EYA1: variants seen among roughly 807,000 people sequenced by gnomAD.
EYA1 encodes the protein EYA transcriptional coactivator and phosphatase 1.
Under a neutral mutation model 82.0 loss-of-function variants are expected in EYA1, and 16 were observed. The ratio of observed to expected loss-of-function variants is 0.20; its 90% CI spans 0.13 to 0.30. EYA1 has a LOEUF of 0.30. Ranked by LOEUF, EYA1 falls within the 10% of genes least tolerant of loss-of-function variation. The pLI is 1.00. For synonymous variants in EYA1, 261 were observed against 264.4 expected, an observed-to-expected ratio of 0.99 and a Z score of 0.12; for missense variants, 633 against 730.7, an observed-to-expected ratio of 0.87 and a Z score of 1.54.
chr8:71,525,350 T>C (rs1311444567), intron 2 of EYA1, among the ~76,000 whole-genome samples: 4 of 152,202 alleles, frequency 2.6e-5, no homozygotes, highest in Non-Finnish European at 4.4e-5. Flanking sequence ...GTGAGTCTAA[T>C]TTATGTCGTT....
Position 71,322,448 on chromosome 8 carries a change from A to G in EYA1, c.203-180T>C, listed in dbSNP as rs1049192104. 1.4e-5 allele frequency: 9 copies of G among 633,326 alleles called. No individual in the cohort carries two copies. The African/African-American group carries it at 1.5e-4, about 10-fold the overall frequency. 39.2% of individuals were successfully genotyped at this position (633,326 alleles called of 1,614,324 possible). A position where few individuals can be genotyped will look rare whatever the true frequency, so the allele number is the denominator to read the frequency against. ...TCCACCTAACAGAAAGTTAAACTAT[A>G]AAGAGGAATGAATAGAAACTGATTA... On this transcript the variant is annotated intron_variant, in intron 4 of 17. Coordinates refer to ENST00000340726, the MANE Select transcript of EYA1 (RefSeq NM_000503.6).
In EYA1 at chr8:71,495,374, G is replaced by A. The variant is rs1464590310; in HGVS notation, c.33+40370C>T. The stretch of plus-strand genomic sequence containing the variant: ...CACGCCTGTAATCCCAGCACTGTGG[G>A]AGGCTGAGGCAAGTGGATCACTTGA... On this transcript the variant is annotated intron_variant, in intron 2 of 18. Transcript: ENST00000643681. 3.9e-5 allele frequency among the ~76,000 whole-genome samples: 6 copies of A among 152,174 alleles called. No homozygotes were observed. In the East Asian group the frequency reaches 1.2e-3, roughly 29 times the overall value.
At position 71,385,480 on chromosome 8, in the gene EYA1, A is replaced by G. The variant is rs73684793; in HGVS notation, c.34-28969T>C. Reference sequence around the variant, plus strand: ...ATACAGTGCATTTTTATCTGTTACAACTATCTAAACTGTCTATTGACTATA... The same window carrying G: ...ATACAGTGCATTTTTATCTGTTACAGCTATCTAAACTGTCTATTGACTATA... On this transcript the variant is annotated intron_variant, in intron 2 of 18. Coordinates refer to the EYA1 transcript ENST00000643681. Among the ~76,000 whole-genome samples the G allele has an allele frequency of 6.4e-3, 980 of 152,278 alleles. 13 individuals are homozygous for G. The highest frequency in any genetic ancestry group is 0.022 in the African/African-American group (930 of 41,566).
rs1830593750 is a variant in EYA1 at position 71,411,619 on chromosome 8, C to G, written c.34-55108G>C. Among the ~76,000 whole-genome samples the G allele has an allele frequency of 2.0e-5, 3 of 151,756 alleles. No homozygotes were observed. In the South Asian group the frequency reaches 6.3e-4, roughly 32 times the overall value. On this transcript the variant is annotated intron_variant, in intron 2 of 18. Coordinates refer to the EYA1 transcript ENST00000643681. Reference sequence around the variant, plus strand: ...AGAAGACATTTATGCAGCCAAAATACATGAAAAAATGCTCATCATCACTGG... The same window carrying G: ...AGAAGACATTTATGCAGCCAAAATAGATGAAAAAATGCTCATCATCACTGG...
Position 71,400,975 on chromosome 8 carries a change from T to G in EYA1, c.34-44464A>C, listed in dbSNP as rs548259139. Among the ~76,000 whole-genome samples, 13 of 152,322 alleles carry G rather than the reference T, an allele frequency of 8.5e-5. No individual in the cohort carries two copies. In the East Asian group the frequency reaches 2.5e-3, roughly 29 times the overall value. On this transcript the variant is annotated intron_variant, in intron 2 of 18. Transcript: ENST00000643681. The stretch of plus-strand genomic sequence containing the variant: ...GCAGCCATAAAAAGGAATGAGATCA[T>G]GCCCTTTTCAGGGACATGGATGGAG...
At chr8:71,258,505 C>A in intron 11 of EYA1, among the ~76,000 whole-genome samples, 1 of 152,204 alleles carries the variant, frequency 6.6e-6, no homozygotes, top group East Asian at 1.9e-4. Flanking sequence ...CCTGATACTT[C>A]TATGGTGGAG....
intron 9 of EYA1, among the ~76,000 whole-genome samples, chr8:71,297,964 G>C (rs567004523): frequency 5.9e-5 from 9 of 151,988 alleles, no homozygotes; most frequent in African/African-American, 1.7e-4. Context: ...TGAAAGACAA[G>C]AATGATGAAA....
At chr8:71,432,846 G>A (rs1358828601) in intron 2 of EYA1, among the ~76,000 whole-genome samples, 2 of 152,102 alleles carry the variant, frequency 1.3e-5, no homozygotes, top group African/African-American at 4.8e-5. Flanking sequence ...ACTAAACAAA[G>A]ACCAAAAGAA....
chr8:71,543,296 G>C (rs764968020), intron 1 of EYA1, among the ~76,000 whole-genome samples: 130 of 152,196 alleles, frequency 8.5e-4, no homozygotes, highest in Non-Finnish European at 1.4e-3. Context: ...TGGAGCAGAG[G>C]TTGGGGGGTG....
chr8:71,255,437 G>A (rs7015205), intron 11 of EYA1, among the ~76,000 whole-genome samples: 20,867 of 152,098 alleles, frequency 0.14, 1,609 homozygotes, highest in African/African-American at 0.21. Context: ...CCAGAAATAA[G>A]CCCTCACATG....
intron 2 of EYA1, among the ~76,000 whole-genome samples, chr8:71,422,293 T>C (rs753565173): frequency 3.9e-5 from 6 of 152,230 alleles, no homozygotes; most frequent in Non-Finnish European, 8.8e-5. Context: ...TTCCTAATCC[T>C]TCCTCCTTTT....
At chr8:71,535,082 A>T (rs527639398) in intron 2 of EYA1, among the ~76,000 whole-genome samples, 155 of 151,476 alleles carry the variant, frequency 1.0e-3, no homozygotes, top group African/African-American at 3.5e-3. Flanking sequence ...GCTTTTTTTT[A>T]AATTAAAATT....
intron 11 of EYA1, among the ~76,000 whole-genome samples, chr8:71,265,742 G>A (rs1815717168): frequency 6.6e-6 from 1 of 152,148 alleles, no homozygotes. Flanking sequence ...TGACATTCTG[G>A]AATTTGTTAT....
chr8:71,401,590 A>G (rs1829960983), intron 2 of EYA1, among the ~76,000 whole-genome samples: 1 of 152,248 alleles, frequency 6.6e-6, no homozygotes, highest in African/African-American at 2.4e-5. Context: ...GGTTAAGAGT[A>G]GAGGTTCTTT....
chr8:71,257,324 T>C lies in EYA1; in HGVS notation c.1050+12416A>G, dbSNP rs148212482. Among the ~76,000 whole-genome samples, 533 of 152,336 alleles carry C rather than the reference T, an allele frequency of 3.5e-3. 4 individuals are homozygous for C. Among genetic ancestry groups the C allele is most frequent in the African/African-American group, 0.012 (507 of 41,590 alleles). ...GTTACATTGGGTTTCATTATACATA[T>C]TATTCTATCTACTTTTCTATGTTTG... On this transcript the variant is annotated intron_variant, in intron 11 of 17. Transcript: ENST00000340726.
At chr8:71,213,156 T>A (rs1352905404) in intron 16 of EYA1, among the ~76,000 whole-genome samples, 1 of 151,994 alleles carries the variant, frequency 6.6e-6, no homozygotes, top group Non-Finnish European at 1.5e-5. Flanking sequence ...CCACCACATA[T>A]TTTTTTTCTG....
intron 2 of EYA1, among the ~76,000 whole-genome samples, chr8:71,422,814 C>T (rs771097278): frequency 2.0e-5 from 3 of 152,074 alleles, no homozygotes; most frequent in African/African-American, 4.8e-5. Flanking sequence ...AGGGTAACCG[C>T]CCCCATGACT....
intron 9 of EYA1, among the ~76,000 whole-genome samples, chr8:71,277,862 G>A (rs1472884461): frequency 1.3e-5 from 2 of 152,058 alleles, no homozygotes; most frequent in African/African-American, 4.8e-5. Context: ...TTATAAATGA[G>A]AAATAGCTAT....
Position 71,534,510 on chromosome 8 carries a change from A to G in EYA1, c.33+1234T>C, listed in dbSNP as rs551783921. The stretch of plus-strand genomic sequence containing the variant: ...CATTTGTTATTAAAATTCCCATCCA[A>G]TAGCAGTTCCTGCTTATTGCATAAC... On this transcript the variant is annotated intron_variant, in intron 2 of 18. Coordinates refer to the EYA1 transcript ENST00000643681. Among the ~76,000 whole-genome samples the G allele has an allele frequency of 2.0e-5, 3 of 152,346 alleles. No individual in the cohort carries two copies. The East Asian group carries it at 5.8e-4, about 29-fold the overall frequency.
Sources: gnomAD v4.1 joint callset for allele counts (sites outside exome capture counted in the v4.1 genomes callset) on GRCh38, gnomAD v4.1.1 for gene constraint, MANE v1.5 for transcripts, NCBI Gene and HGNC (gene_info 2026-07-23, HGNC 2026-07-21) for gene names.